Variants in DTNB observed in about 807,000 individuals in gnomAD.
DTNB encodes the protein dystrobrevin beta.
A neutral mutation model predicts 90.7 loss-of-function variants in DTNB; 63 were observed. The ratio of observed to expected loss-of-function variants is 0.69; its 90% CI spans 0.57 to 0.86. The LOEUF (loss-of-function observed/expected upper bound fraction) is 0.86. DTNB is among the 40% of genes least tolerant of loss of function. The pLI, the probability that DTNB is intolerant of heterozygous loss-of-function variation, is 0.00. For synonymous variants in DTNB, 277 were observed against 286.7 expected, an observed-to-expected ratio of 0.97 and a Z score of 0.34; for missense variants, 744 against 807.1, an observed-to-expected ratio of 0.92 and a Z score of 0.95.
chr2:25,410,994 G>A (rs2046453536), intron 16 of DTNB, among the ~76,000 whole-genome samples: 1 of 150,534 alleles, frequency 6.6e-6, no homozygotes, highest in African/African-American at 2.5e-5. Flanking sequence ...TATATTCAGG[G>A]CAATTTGAAT....
At chr2:25,430,538 A>G (rs13430973) in intron 14 of DTNB, among the ~76,000 whole-genome samples, 50,594 of 151,886 alleles carry the variant, frequency 0.33, 8,854 homozygotes, top group Non-Finnish European at 0.39. Flanking sequence ...TAGGGGGTGG[A>G]GAGGGAAGTC....
chr2:25,599,480 T>G (rs895251867), intron 5 of DTNB, among the ~76,000 whole-genome samples: 2 of 151,974 alleles, frequency 1.3e-5, no homozygotes, highest in African/African-American at 4.8e-5. Context: ...TAGCTGGGAC[T>G]ACAGGCGCCC....
intron 8 of DTNB, among the ~76,000 whole-genome samples, chr2:25,574,525 A>T (rs1013461088): frequency 1.3e-5 from 2 of 152,258 alleles, no homozygotes; most frequent in African/African-American, 4.8e-5. Context: ...CTACAATGAA[A>T]ATTCTTATAC....
intron 4 of DTNB, among the ~76,000 whole-genome samples, chr2:25,619,891 T>C (rs2071984763): frequency 6.6e-6 from 1 of 151,808 alleles, no homozygotes; most frequent in Admixed American, 6.6e-5. Context: ...AATACAAAAA[T>C]TAGCCAGGCG....
chr2:25,580,019 G>C (rs1343792041), intron 7 of DTNB, among the ~76,000 whole-genome samples: 1 of 110,804 alleles, frequency 9.0e-6, no homozygotes, highest in Non-Finnish European at 1.7e-5. Context: ...GTCTCACTCT[G>C]TCACCCAGGC....
At chr2:25,631,626 T>C (rs55751457) in intron 3 of DTNB, among the ~76,000 whole-genome samples, 68,074 of 151,318 alleles carry the variant, frequency 0.45, 16,464 homozygotes, top group East Asian at 0.77. Flanking sequence ...AGGAACTTTA[T>C]ATTTATTTAC....
chr2:25,564,390 A>AT (rs1434530247), intron 8 of DTNB, among the ~76,000 whole-genome samples: 4 of 151,142 alleles, frequency 2.6e-5, no homozygotes, highest in South Asian at 2.1e-4. Context: ...TCTTTTTGTT[A>AT]TTTTTTTTGA....
chr2:25,422,564 T>A (rs2050128084), intron 15 of DTNB, among the ~76,000 whole-genome samples: 1 of 151,818 alleles, frequency 6.6e-6, no homozygotes, highest in Admixed American at 6.6e-5. Context: ...CACCACCACA[T>A]CTGGCTAATT....
chr2:25,381,220 C>T (rs1028450255), intron 19 of DTNB, among the ~76,000 whole-genome samples: 17 of 152,136 alleles, frequency 1.1e-4, no homozygotes, highest in Admixed American at 2.6e-4. Context: ...TGTGTGTGCG[C>T]GTGTTTGCAG....
At chr2:25,611,924 G>A (rs1285653624) in intron 4 of DTNB, among the ~76,000 whole-genome samples, 1 of 152,156 alleles carries the variant, frequency 6.6e-6, no homozygotes, top group African/African-American at 2.4e-5. Context: ...AGACCAAGCA[G>A]AAGAATTAAT....
chr2:25,379,393 A>G, intron 19 of DTNB, 70 bp from the exon 20 acceptor site: 1 of 1,288,866 alleles, frequency 7.8e-7, no homozygotes, highest in Non-Finnish European at 9.9e-7. Context: ...AGACTATCTC[A>G]AAGGGGCTTC....
chr2:25,634,395 C>A (rs1300723021), intron 3 of DTNB, among the ~76,000 whole-genome samples: 1 of 110,230 alleles, frequency 9.1e-6, no homozygotes, highest in Non-Finnish European at 2.0e-5. Context: ...GGGGGTCAGC[C>A]CCCCCGCCCG....
chr2:25,404,160 T>C (rs1267192206), intron 16 of DTNB, among the ~76,000 whole-genome samples: 1 of 152,182 alleles, frequency 6.6e-6, no homozygotes, highest in Non-Finnish European at 1.5e-5. Flanking sequence ...GCTATGCAGC[T>C]GAGGCAATAT....
At position 25,515,231 on chromosome 2, in the gene DTNB, T is replaced by C. The variant is rs923941258; in HGVS notation, c.1001+16242A>G. Among the ~76,000 whole-genome samples the C allele has an allele frequency of 7.9e-5, 12 of 152,042 alleles. No homozygotes were observed. The South Asian group carries it at 8.3e-4, about 11-fold the overall frequency. ...AGTATGAGAAGGAAGAAGAGGAGAA[T>C]TGCTCAACAGATTTAATAGAATCCC... is the stretch of plus-strand genomic sequence containing the variant. On this transcript the variant is annotated intron_variant, in intron 9 of 20. Coordinates refer to ENST00000406818, the MANE Select transcript of DTNB (RefSeq NM_021907.5).
At chr2:25,438,555 C>A (rs148075585) in intron 12 of DTNB, among the ~76,000 whole-genome samples, 157 of 152,326 alleles carry the variant, frequency 1.0e-3, no homozygotes, top group African/African-American at 3.3e-3. Flanking sequence ...GTGTTAAAAA[C>A]ACTGTTCTAC....
chr2:25,547,323 C>CTTT (rs57298172), intron 8 of DTNB, among the ~76,000 whole-genome samples: 10 of 115,596 alleles, frequency 8.7e-5, no homozygotes, highest in East Asian at 7.5e-4. Context: ...TCTTTCTTTC[C>CTTT]TTTTTTTTTT....
At chr2:25,451,675 A>T in intron 11 of DTNB, 40 bp from the exon 12 acceptor site, 3 of 1,513,664 alleles carry the variant, frequency 2.0e-6, no homozygotes, top group South Asian at 2.5e-5. Context: ...TCTATTAAAC[A>T]TCCCTTATTC....
intron 5 of DTNB, among the ~76,000 whole-genome samples, chr2:25,601,827 T>C (rs1260490748): frequency 6.6e-6 from 1 of 152,100 alleles, no homozygotes; most frequent in Non-Finnish European, 1.5e-5. Flanking sequence ...TCGAAACTCA[T>C]TAATATGCCA....
chr2:25,544,196 A>G (rs2081966609), intron 8 of DTNB, among the ~76,000 whole-genome samples: 1 of 152,212 alleles, frequency 6.6e-6, no homozygotes, highest in Non-Finnish European at 1.5e-5. Context: ...ACGGTGTCCA[A>G]CTGAGGGACA....
Sources: allele counts gnomAD v4.1 joint callset (sites outside exome capture counted in the v4.1 genomes callset), GRCh38; gene constraint gnomAD v4.1.1; transcripts MANE v1.5; gene names NCBI Gene and HGNC (gene_info 2026-07-23, HGNC 2026-07-21).